CACNB1: variants seen among roughly 807,000 people sequenced by gnomAD.
CACNB1 encodes the protein calcium voltage-gated channel auxiliary subunit beta 1.
CACNB1 carries 29 observed loss-of-function variants against 71.6 expected under a neutral mutation model. That is an observed-to-expected ratio of 0.40 (90% CI 0.30 to 0.55). The LOEUF (loss-of-function observed/expected upper bound fraction) is 0.55. Among genes scored for constraint, CACNB1 ranks in the 20% least tolerant of loss-of-function variants. The probability of loss-of-function intolerance (pLI) is 0.38; values close to 1 mark genes in which losing one functional copy is unlikely to be tolerated. For missense variants in CACNB1, 623 were observed against 801.8 expected (o/e 0.78, Z 2.69); for synonymous variants, 300 against 319.6 (o/e 0.94, Z 0.65).
Position 39,177,521 on chromosome 17 carries a change from G to A in CACNB1, c.1161C>T (p.Ile387=). ...CCTCCAATTGGTTCTCATCCAGGAT[G>A]ATGTCAAACATTTCCTGTGAAGGCG... ...LAQCPPEMFD[I]ILDENQLEDA... Residue 387 remains isoleucine, a synonymous_variant, in exon 13 of 14, where the codon ATC becomes ATT. Coordinates refer to ENST00000394303, the MANE Select transcript of CACNB1 (RefSeq NM_000723.5). The A allele has an allele frequency of 1.3e-6, 2 of 1,594,496 alleles. No individual in the cohort carries two copies. The highest frequency in any genetic ancestry group is 1.7e-6 in the Non-Finnish European group (2 of 1,166,966).
chr17:39,175,128 A>G lies in CACNB1; in HGVS notation c.*65T>C. 7.7e-7 allele frequency: 1 copy of G among 1,306,904 alleles called. No homozygotes were observed. Among genetic ancestry groups the G allele is most frequent in the Non-Finnish European group, 1.1e-6 (1 of 933,848 alleles). 81.0% of individuals were successfully genotyped at this position (1,306,904 alleles called of 1,614,324 possible). A position where few individuals can be genotyped will look rare whatever the true frequency, so the allele number is the denominator to read the frequency against. ...TGGAGGCGAATACATGTCAGGTGTG[A>G]GCCCCTCGCTCCCTCCCCTCCCCTG... On this transcript the variant is annotated 3_prime_UTR_variant, in exon 14 of 14. Coordinates refer to ENST00000394303, the MANE Select transcript of CACNB1 (RefSeq NM_000723.5). The surrounding 1 kb of genome is among the most constrained non-coding windows in gnomAD (Gnocchi z 4.7).
At chr17:39,193,657 G>C (rs545355763) in intron 2 of CACNB1, 261 of 243,156 alleles carry the variant, frequency 1.1e-3, no homozygotes, top group African/African-American at 5.2e-3. Flanking sequence ...CCGGGGATCA[G>C]AGCTGGGGAG....
Position 39,184,017 on chromosome 17 carries a change from A to G in CACNB1, c.898+14T>C. The G allele has an allele frequency of 6.3e-7, 1 of 1,592,148 alleles. No individual in the cohort carries two copies. On this transcript the variant is annotated intron_variant, in intron 10 of 13. Coordinates refer to ENST00000394303, the MANE Select transcript of CACNB1 (RefSeq NM_000723.5). ...CCCAGAAAGGGGGAGTGAAGACAGC[A>G]GGAGTAGGCTCACCCAGGCTGGAGC...
rs1484040055 is a variant in CACNB1, at chr17:39,194,331, C to T, written c.171+553G>A. On this transcript the variant is annotated intron_variant, in intron 2 of 13. Transcript: ENST00000394303. This position sits in a 1 kb window ranked among gnomAD's most constrained non-coding sequence, Gnocchi z 4.6. ...GGCAGGGGTGCTGGGCTATCATCTTCTCTATTATAAAATCAACAGCCTCAT... is the reference window on the plus strand; with the variant it reads ...GGCAGGGGTGCTGGGCTATCATCTTTTCTATTATAAAATCAACAGCCTCAT... Among the ~76,000 whole-genome samples the T allele has an allele frequency of 2.0e-5, 3 of 152,072 alleles. No individual in the cohort carries two copies. Among genetic ancestry groups the T allele is most frequent in the Non-Finnish European group, 2.9e-5 (2 of 68,018 alleles).
At chr17:39,185,296 T>TGACA in intron 6 of CACNB1, 146 bp from the exon 7 acceptor site, 1 of 720,892 alleles carries the variant, frequency 1.4e-6, no homozygotes, top group East Asian at 2.7e-5. Flanking sequence ...TGCGTGTTAG[T>TGACA]GACAGACAGA....
At chr17:39,190,972 A>AG (rs991362910) in intron 3 of CACNB1, among the ~76,000 whole-genome samples, 9 of 151,720 alleles carry the variant, frequency 5.9e-5, no homozygotes, top group East Asian at 2.0e-4. Context: ...TGGGAGGCTG[A>AG]GGGGGGCGGA....
In CACNB1 at chr17:39,183,742, T is replaced by C. The variant is rs777746187; in HGVS notation, c.1021A>G (p.Ile341Val). ...QLSKTSLAPI[I>V]VYIKITSPKV... is the part of the protein sequence containing the mutation. ...GGAGAGGTGATCTTGATGTAAACAA[T>C]GATGGGGGCCAGCGAGGTCTTGGAC... Residue 341 changes from isoleucine (I) to valine (V), a missense_variant, in exon 11 of 14, where the codon ATT becomes GTT. By Grantham distance (29) the Ile-to-Val change is conservative. Transcript: ENST00000394303. 1.9e-6 allele frequency: 3 copies of C among 1,611,138 alleles called. No individual in the cohort carries two copies. Among genetic ancestry groups the C allele is most frequent in the Non-Finnish European group, 2.5e-6 (3 of 1,178,636 alleles).
intron 11 of CACNB1, among the ~76,000 whole-genome samples, chr17:39,182,514 C>A (rs1407185046): frequency 6.6e-6 from 1 of 151,734 alleles, no homozygotes; most frequent in Non-Finnish European, 1.5e-5. Context: ...TCCTGGCCAA[C>A]ATGGTGAAAC....
At chr17:39,179,018 G>T (rs2045669378) in intron 11 of CACNB1, among the ~76,000 whole-genome samples, 2 of 152,290 alleles carry the variant, frequency 1.3e-5, no homozygotes, top group South Asian at 2.1e-4. Context: ...TACTGGCTGG[G>T]TGCGGTGGGT....
chr17:39,183,338 A>G (rs2045830386), intron 11 of CACNB1, among the ~76,000 whole-genome samples: 1 of 116,718 alleles, frequency 8.6e-6, no homozygotes, highest in Non-Finnish European at 1.8e-5. Context: ...ACTTAAAAAA[A>G]AGAAGAAGAA....
intron 1 of CACNB1, among the ~76,000 whole-genome samples, chr17:39,196,787 C>T (rs1243129782): frequency 4.7e-5 from 1 of 21,502 alleles, no homozygotes; most frequent in Non-Finnish European, 1.1e-4. Flanking sequence ...GTTTTTGGGG[C>T]GGGGGTGGGG....
intron 13 of CACNB1, among the ~76,000 whole-genome samples, chr17:39,176,867 T>C (rs914028055): frequency 2.0e-5 from 3 of 152,156 alleles, no homozygotes; most frequent in African/African-American, 7.2e-5. Flanking sequence ...AGGGGCCTTG[T>C]GGAGTCAGGG....
At chr17:39,177,013 G>T in intron 13 of CACNB1, 1 of 832,622 alleles carries the variant, frequency 1.2e-6, no homozygotes, top group Non-Finnish European at 1.7e-6. Context: ...CTAGTCCCTT[G>T]TCTTAAAAGC....
At chr17:39,177,834 C>G in intron 12 of CACNB1, 150 bp downstream of exon 12, 1 of 678,640 alleles carries the variant, frequency 1.5e-6, no homozygotes, top group Non-Finnish European at 2.6e-6. Context: ...CTTTGACTGA[C>G]GGGACCTGCG....
At chr17:39,189,160 C>T (rs1159519842) in intron 3 of CACNB1, among the ~76,000 whole-genome samples, 2 of 151,882 alleles carry the variant, frequency 1.3e-5, no homozygotes, top group South Asian at 2.1e-4. Context: ...GTCAGGAGTT[C>T]GAGACCAGCC....
At chr17:39,191,633 C>T in intron 2 of CACNB1, 40 bp from the exon 3 acceptor site, 1 of 1,594,880 alleles carries the variant, frequency 6.3e-7, no homozygotes, top group South Asian at 1.1e-5. Flanking sequence ...ATTGCTGCCC[C>T]TCCCAGCTCC....
rs773730456 is a variant in CACNB1, at chr17:39,187,589, C to T, written c.304G>A (p.Ala102Thr). 1 of 1,614,168 alleles carries T rather than the reference C, an allele frequency of 6.2e-7. No individual in the cohort carries two copies. The highest frequency in any genetic ancestry group is 1.1e-5 in the South Asian group (1 of 91,082). ...QLEKAKTKPV[A>T]FAVRTNVGYN... ...CCAACATTTGTCCGCACAGCAAATGCCACTGGCTTGGTCTAGAGGAGGCAC... is the reference window on the plus strand; with the variant it reads ...CCAACATTTGTCCGCACAGCAAATGTCACTGGCTTGGTCTAGAGGAGGCAC... The change falls in exon 4 of 14, where the codon GCA becomes ACA. Residue 102 changes from alanine to threonine, a missense_variant. Ala to Thr is a moderately conservative substitution (Grantham distance 58). Transcript: ENST00000394303.
At chr17:39,183,473 G>A (rs1183668879) in intron 11 of CACNB1, among the ~76,000 whole-genome samples, 1 of 152,172 alleles carries the variant, frequency 6.6e-6, no homozygotes, top group Non-Finnish European at 1.5e-5. Context: ...ACAGGGGACT[G>A]GTCTGCATGA....
chr17:39,182,692 CTCTG>C (rs1319622978), intron 11 of CACNB1, among the ~76,000 whole-genome samples: 3 of 143,978 alleles, frequency 2.1e-5, no homozygotes, highest in Non-Finnish European at 4.5e-5. Flanking sequence ...CAGAGCAAGA[CTCTG>C]TCTAAAATAA....
Sources: allele counts gnomAD v4.1 joint callset (sites outside exome capture counted in the v4.1 genomes callset), GRCh38; gene constraint gnomAD v4.1.1; non-coding constraint Gnocchi (gnomAD v3.1); transcripts MANE v1.5; gene names NCBI Gene and HGNC (gene_info 2026-07-23, HGNC 2026-07-21).